ZNF804B: variants seen among roughly 807,000 people sequenced by gnomAD.
The protein encoded by ZNF804B is zinc finger protein 804B.
In ZNF804B, 80 loss-of-function variants were observed where a neutral mutation model predicts 101.4. That is an observed-to-expected ratio of 0.79 (90% CI 0.66 to 0.95). The LOEUF (loss-of-function observed/expected upper bound fraction) is 0.95. ZNF804B is among the 40% of genes least tolerant of loss of function. The pLI, the probability that ZNF804B is intolerant of heterozygous loss-of-function variation, is 0.00. For synonymous variants in ZNF804B, 622 were observed against 558.8 expected, an observed-to-expected ratio of 1.11 and a Z score of -1.59; for missense variants, 1,673 against 1,561.9, an observed-to-expected ratio of 1.07 and a Z score of -1.20.
intron 2 of ZNF804B, among the ~76,000 whole-genome samples, chr7:89,316,130 T>C (rs1271895901): frequency 6.6e-6 from 1 of 152,156 alleles, no homozygotes; most frequent in Non-Finnish European, 1.5e-5. Flanking sequence ...ATGTTCTTAA[T>C]CAGTGGATCT....
chr7:89,245,623 A>T (rs2115773595), intron 2 of ZNF804B, among the ~76,000 whole-genome samples: 1 of 152,258 alleles, frequency 6.6e-6, no homozygotes, highest in Non-Finnish European at 1.5e-5. Context: ...AAATTAAGAT[A>T]TTTTATTTTT....
At chr7:89,038,349 A>G (rs968947678) in intron 1 of ZNF804B, among the ~76,000 whole-genome samples, 1 of 152,156 alleles carries the variant, frequency 6.6e-6, no homozygotes, top group African/African-American at 2.4e-5. Context: ...TTTTGATAAA[A>G]AACATCAAAA....
intron 1 of ZNF804B, among the ~76,000 whole-genome samples, chr7:88,950,488 AT>A (rs1178728077): frequency 6.6e-6 from 1 of 151,330 alleles, no homozygotes; most frequent in Non-Finnish European, 1.5e-5. Context: ...ATGAAAACAG[AT>A]TATTTATTTC....
chr7:88,932,584 A>G (rs1482172012), intron 1 of ZNF804B, among the ~76,000 whole-genome samples: 1 of 151,864 alleles, frequency 6.6e-6, no homozygotes, highest in Non-Finnish European at 1.5e-5. Context: ...AACACCATAG[A>G]AATTCCAAAG....
At chr7:88,950,633 G>A (rs761978653) in intron 1 of ZNF804B, among the ~76,000 whole-genome samples, 9 of 151,554 alleles carry the variant, frequency 5.9e-5, no homozygotes, top group South Asian at 2.1e-4. Flanking sequence ...AGAAGTAAGA[G>A]GATCATATTA....
chr7:89,245,298 A>C (rs533669253), intron 2 of ZNF804B, among the ~76,000 whole-genome samples: 1 of 152,310 alleles, frequency 6.6e-6, no homozygotes, highest in Non-Finnish European at 1.5e-5. Context: ...AGAAAGAAAC[A>C]TCAATGAATA....
At chr7:89,073,566 TAG>T (rs1311907449) in intron 1 of ZNF804B, among the ~76,000 whole-genome samples, 1 of 152,200 alleles carries the variant, frequency 6.6e-6, no homozygotes, top group African/African-American at 2.4e-5. Context: ...GATATGTTGA[TAG>T]ATTCTTATTT....
At chr7:89,320,426 G>A (rs1427546186) in intron 2 of ZNF804B, among the ~76,000 whole-genome samples, 3 of 151,858 alleles carry the variant, frequency 2.0e-5, no homozygotes, top group Non-Finnish European at 2.9e-5. Context: ...TATAGGAGAG[G>A]AAATAATCAA....
At chr7:88,997,669 C>T (rs945446352) in intron 1 of ZNF804B, among the ~76,000 whole-genome samples, 2 of 151,986 alleles carry the variant, frequency 1.3e-5, no homozygotes, top group Non-Finnish European at 2.9e-5. Context: ...AATCATCTAC[C>T]CAGAAAAAGT....
chr7:88,853,816 G>C (rs1010355956), intron 1 of ZNF804B, among the ~76,000 whole-genome samples: 2 of 151,974 alleles, frequency 1.3e-5, no homozygotes, highest in Non-Finnish European at 2.9e-5. Flanking sequence ...TATTAAGATG[G>C]TATGACCTTC....
intron 2 of ZNF804B, among the ~76,000 whole-genome samples, chr7:89,297,872 C>T (rs914525619): frequency 1.3e-5 from 2 of 151,410 alleles, no homozygotes; most frequent in Admixed American, 6.6e-5. Context: ...TTAGATAGCA[C>T]TATTTTTAAT....
intron 1 of ZNF804B, among the ~76,000 whole-genome samples, chr7:88,797,855 G>A (rs181016582): frequency 2.8e-4 from 43 of 152,196 alleles, no homozygotes; most frequent in Admixed American, 2.8e-3. Flanking sequence ...AAAATATAAA[G>A]AATTGCCACA....
intron 1 of ZNF804B, among the ~76,000 whole-genome samples, chr7:89,186,763 A>G (rs566235972): frequency 1.3e-5 from 2 of 152,284 alleles, no homozygotes; most frequent in Middle Eastern, 3.4e-3. Context: ...TCTTGATTTT[A>G]AAAAGATGTT....
At chr7:89,148,805 A>G (rs1266555929) in intron 1 of ZNF804B, among the ~76,000 whole-genome samples, 1 of 152,102 alleles carries the variant, frequency 6.6e-6, no homozygotes. Context: ...CATCTGCTGA[A>G]TAGTCCCTTA....
intron 1 of ZNF804B, chr7:88,794,012 A>G (rs1790427848): frequency 2.1e-6 from 1 of 483,758 alleles, no homozygotes; most frequent in Non-Finnish European, 3.5e-6. Context: ...CAACAAATAG[A>G]TACATTTTAA....
At chr7:89,216,843 G>C (rs1281764581) in intron 1 of ZNF804B, among the ~76,000 whole-genome samples, 1 of 152,084 alleles carries the variant, frequency 6.6e-6, no homozygotes, top group African/African-American at 2.4e-5. Flanking sequence ...GAGGGTAGTC[G>C]TTTTGGAGAA....
chr7:89,064,409 G>T (rs1488696974), intron 1 of ZNF804B, among the ~76,000 whole-genome samples: 4 of 152,054 alleles, frequency 2.6e-5, no homozygotes, highest in African/African-American at 9.7e-5. Context: ...AGTCGCTTTA[G>T]GTTTCAGGAG....
intron 1 of ZNF804B, among the ~76,000 whole-genome samples, chr7:89,120,081 A>G (rs1790376830): frequency 1.3e-5 from 2 of 152,086 alleles, no homozygotes. Context: ...TCATAAAATG[A>G]TACTGTCAGG....
intron 1 of ZNF804B, among the ~76,000 whole-genome samples, chr7:88,947,581 G>T (rs1203058444): frequency 6.6e-6 from 1 of 151,704 alleles, no homozygotes; most frequent in Non-Finnish European, 1.5e-5. Flanking sequence ...ATGACAGGTT[G>T]ATGGGTGCAG....
Sources: gnomAD v4.1 joint callset for allele counts (sites outside exome capture counted in the v4.1 genomes callset) on GRCh38, gnomAD v4.1.1 for gene constraint, MANE v1.5 for transcripts, NCBI Gene and HGNC (gene_info 2026-07-23, HGNC 2026-07-21) for gene names.